The following FARS2 variants were observed in gnomAD, a reference collection of about 807,000 sequenced individuals.
The protein encoded by FARS2 is phenylalanyl-tRNA synthetase 2, mitochondrial.
In FARS2, 40 loss-of-function variants were observed where a neutral mutation model predicts 46.4. The ratio of observed to expected loss-of-function variants is 0.86; its 90% CI spans 0.67 to 1.12. FARS2 has a LOEUF of 1.12. FARS2 is among the 50% of genes most tolerant of loss of function. The probability of loss-of-function intolerance (pLI) is 0.00; values close to 1 mark genes in which losing one functional copy is unlikely to be tolerated. For missense variants in FARS2, 513 were observed against 567.9 expected (o/e 0.90, Z 0.98); for synonymous variants, 234 against 214.9 (o/e 1.09, Z -0.78).
intron 6 of FARS2, among the ~76,000 whole-genome samples, chr6:5,650,720 A>G (rs926086931): frequency 3.9e-5 from 6 of 151,926 alleles, no homozygotes; most frequent in African/African-American, 1.5e-4. Flanking sequence ...CTCATGATCC[A>G]CCTGCCTCAG....
intron 5 of FARS2, among the ~76,000 whole-genome samples, chr6:5,569,328 C>T (rs1200998426): frequency 6.6e-6 from 1 of 151,424 alleles, no homozygotes; most frequent in Non-Finnish European, 1.5e-5. Context: ...CCTTGACCAA[C>T]TGGGCTCGGT....
At chr6:5,285,086 T>C (rs530984019) in intron 1 of FARS2, among the ~76,000 whole-genome samples, 1 of 152,150 alleles carries the variant, frequency 6.6e-6, no homozygotes, top group African/African-American at 2.4e-5. Context: ...GGAGAAAAAG[T>C]GACAGCAAAG....
In FARS2 at chr6:5,628,035, G is replaced by T. The variant is rs369229337; in HGVS notation, c.1217+14715G>T. On this transcript the variant is annotated intron_variant, in intron 6 of 6. Transcript: ENST00000274680. Reference sequence around the variant, plus strand: ...GGAAAAAAGGAAACAAAAAGAGAAGGGATTTTAACGAGGTTGGTCATATCC... The same window carrying T: ...GGAAAAAAGGAAACAAAAAGAGAAGTGATTTTAACGAGGTTGGTCATATCC... Among the ~76,000 whole-genome samples, 100 of 152,208 alleles carry T rather than the reference G, an allele frequency of 6.6e-4. 2 individuals are homozygous for T. In the South Asian group the frequency reaches 0.02, roughly 31 times the overall value.
At chr6:5,262,270 C>T (rs542557713) in intron 1 of FARS2, among the ~76,000 whole-genome samples, 92 of 152,138 alleles carry the variant, frequency 6.0e-4, no homozygotes, top group Non-Finnish European at 1.2e-3. Context: ...TTTTCAGGAA[C>T]TTTTCTGTTT....
At chr6:5,368,017 C>T (rs986831612) in intron 1 of FARS2, among the ~76,000 whole-genome samples, 1 of 152,058 alleles carries the variant, frequency 6.6e-6, no homozygotes, top group African/African-American at 2.4e-5. Flanking sequence ...TATGCTATGT[C>T]AAAGATAAAG....
intron 4 of FARS2, among the ~76,000 whole-genome samples, chr6:5,482,709 A>G (rs892037348): frequency 6.6e-6 from 1 of 152,156 alleles, no homozygotes; most frequent in African/African-American, 2.4e-5. Flanking sequence ...AAGCACAGAG[A>G]AAAAAACCTC....
chr6:5,751,921 G>T (rs1761969623), intron 6 of FARS2, among the ~76,000 whole-genome samples: 2 of 152,196 alleles, frequency 1.3e-5, no homozygotes, highest in Admixed American at 6.5e-5. Context: ...CCTTGTCAGT[G>T]CTGGAAGATT....
chr6:5,522,947 C>T (rs761080788), intron 4 of FARS2, among the ~76,000 whole-genome samples: 1 of 151,912 alleles, frequency 6.6e-6, no homozygotes, highest in South Asian at 2.1e-4. Context: ...GATATGGGAT[C>T]GAACGAAATA....
At chr6:5,321,104 G>A (rs1226519883) in intron 1 of FARS2, among the ~76,000 whole-genome samples, 2 of 152,138 alleles carry the variant, frequency 1.3e-5, no homozygotes, top group Admixed American at 6.5e-5. Context: ...CTTAGACATC[G>A]AAGCAATAAA....
chr6:5,715,881 A>G (rs998523383), intron 6 of FARS2, among the ~76,000 whole-genome samples: 3 of 152,198 alleles, frequency 2.0e-5, no homozygotes, highest in Non-Finnish European at 4.4e-5. Flanking sequence ...CATTTAAGGA[A>G]TTACCAAACT....
chr6:5,444,799 C>G (rs887086480), intron 4 of FARS2, among the ~76,000 whole-genome samples: 1 of 152,136 alleles, frequency 6.6e-6, no homozygotes, highest in South Asian at 2.1e-4. Flanking sequence ...GGGGAACTGA[C>G]CTAATTTTTG....
At chr6:5,462,015 C>T (rs1453379971) in intron 4 of FARS2, among the ~76,000 whole-genome samples, 1 of 152,134 alleles carries the variant, frequency 6.6e-6, no homozygotes, top group East Asian at 1.9e-4. Context: ...TCTAAAGTGA[C>T]CGTACATGAG....
intron 6 of FARS2, among the ~76,000 whole-genome samples, chr6:5,712,705 G>T (rs1167802196): frequency 6.6e-6 from 1 of 152,220 alleles, no homozygotes; most frequent in African/African-American, 2.4e-5. Context: ...GCACCTGCCT[G>T]TCTTCCAGCT....
At position 5,727,294 on chromosome 6, in the gene FARS2, G is replaced by A. The variant is rs1582839981; in HGVS notation, c.1218-43997G>A. Among the ~76,000 whole-genome samples, 1 of 152,282 alleles carries A rather than the reference G, an allele frequency of 6.6e-6. No homozygotes were observed. The highest frequency in any genetic ancestry group is 2.4e-5 in the African/African-American group (1 of 41,548). ...CTATGAGGTTGGACCCCGTTCCTCT[G>A]CACAGAACTTTCCCTCCTCCCTTGG... On this transcript the variant is annotated intron_variant, in intron 6 of 6. Transcript: ENST00000274680. The surrounding 1 kb of genome is among the most constrained non-coding windows in gnomAD (Gnocchi z 4.1).
At chr6:5,252,948 A>C in the FARS2 span, among the ~76,000 whole-genome samples, 1 of 152,146 alleles carries the variant, frequency 6.6e-6, no homozygotes, top group Non-Finnish European at 1.5e-5. Flanking sequence ...AGCCCTGTGT[A>C]AGGGCTTCCT....
chr6:5,543,670 A>G (rs916420111), intron 4 of FARS2, among the ~76,000 whole-genome samples: 2 of 152,010 alleles, frequency 1.3e-5, no homozygotes, highest in African/African-American at 2.4e-5. Context: ...CAAGTTTTTT[A>G]TGTTTTAGGA....
At chr6:5,588,291 C>T (rs548891603) in intron 5 of FARS2, among the ~76,000 whole-genome samples, 2 of 152,242 alleles carry the variant, frequency 1.3e-5, no homozygotes, top group Non-Finnish European at 2.9e-5. Context: ...TTGCCAGCCT[C>T]TTCTCCTCGG....
At chr6:5,261,002 A>G (rs935092852), upstream of FARS2, 3 of 1,051,264 alleles carry the variant, frequency 2.9e-6, no homozygotes, top group Admixed American at 5.4e-5. Flanking sequence ...CCCCGCCCCG[A>G]TCCCGCCCCC....
chr6:5,520,780 G>A (rs1313095537), intron 4 of FARS2, among the ~76,000 whole-genome samples: 4 of 151,732 alleles, frequency 2.6e-5, no homozygotes, highest in African/African-American at 4.8e-5. Context: ...AAGAAATATA[G>A]CCCCAAAAGG....
Sources: allele counts gnomAD v4.1 joint callset (sites outside exome capture counted in the v4.1 genomes callset), GRCh38; gene constraint gnomAD v4.1.1; non-coding constraint Gnocchi (gnomAD v3.1); transcripts MANE v1.5; gene names NCBI Gene and HGNC (gene_info 2026-07-23, HGNC 2026-07-21).